MYO10: variants seen among roughly 807,000 people sequenced by gnomAD.
The protein encoded by MYO10 is myosin X.
In MYO10, 133 loss-of-function variants were observed where a neutral mutation model predicts 257.3. The observed-to-expected ratio is 0.52, with a 90% CI of 0.45 to 0.60. The LOEUF is 0.60. Among genes scored for constraint, MYO10 ranks in the 20% least tolerant of loss-of-function variants. MYO10 has a pLI of 0.00. For synonymous variants in MYO10, 1,104 were observed against 1,028.6 expected, an observed-to-expected ratio of 1.07 and a Z score of -1.40; for missense variants, 2,399 against 2,635.7, an observed-to-expected ratio of 0.91 and a Z score of 1.97.
intron 26 of MYO10, 118 bp from the exon 27 acceptor site, chr5:16,694,732 G>T: frequency 7.6e-7 from 1 of 1,317,102 alleles, no homozygotes; most frequent in Non-Finnish European, 1.1e-6. Context: ...CCCAGCCGCA[G>T]CACCGCAGAG....
intron 1 of MYO10, among the ~76,000 whole-genome samples, chr5:16,900,567 AGACGGGG>A (rs1167522222): frequency 1.3e-5 from 2 of 152,062 alleles, no homozygotes; most frequent in Non-Finnish European, 1.5e-5. Context: ...GCTTTTCAAA[AGACGGGG>A]GACCGATCCA....
chr5:16,773,653 C>T (rs1169101235), intron 9 of MYO10, among the ~76,000 whole-genome samples: 2 of 129,956 alleles, frequency 1.5e-5, no homozygotes, highest in South Asian at 2.7e-4. Flanking sequence ...CAGAGTGAGA[C>T]CTTGTCTCAA....
intron 3 of MYO10, among the ~76,000 whole-genome samples, chr5:16,804,021 T>C (rs1273192971): frequency 6.6e-6 from 1 of 152,220 alleles, no homozygotes; most frequent in Non-Finnish European, 1.5e-5. Context: ...AATAAGATAT[T>C]GTCCCTACGG....
At chr5:16,713,415 C>G in intron 19 of MYO10, 1 of 985,862 alleles carries the variant, frequency 1.0e-6, no homozygotes, top group Non-Finnish European at 1.2e-6. Flanking sequence ...CCACACTGAC[C>G]TTTTCCCCAC....
chr5:16,689,490 A>G (rs1452580692), intron 28 of MYO10, among the ~76,000 whole-genome samples: 1 of 151,942 alleles, frequency 6.6e-6, no homozygotes, highest in Admixed American at 6.6e-5. Context: ...CAAAGCTCAG[A>G]AGCTTCCAGA....
At chr5:16,668,669 G>A (rs567998815) in intron 39 of MYO10, among the ~76,000 whole-genome samples, 15 of 152,256 alleles carry the variant, frequency 9.9e-5, no homozygotes, top group African/African-American at 3.4e-4. Flanking sequence ...TTAATCTCAC[G>A]CTTTTGGGAA....
chr5:16,840,440 TGAATGAAA>T (rs1486886484), intron 2 of MYO10, among the ~76,000 whole-genome samples: 28 of 99,232 alleles, frequency 2.8e-4, no homozygotes, highest in Admixed American at 1.7e-3. Flanking sequence ...AATGAATGAA[TGAATGAAA>T]GAAAGAAACA....
intron 17 of MYO10, 107 bp downstream of exon 17, chr5:16,761,357 C>G: frequency 1.1e-6 from 1 of 869,756 alleles, no homozygotes; most frequent in East Asian, 2.5e-5. Context: ...AAAAACAATA[C>G]TAAGTTTCTT....
At chr5:16,916,967 A>G (rs1458051671) in intron 1 of MYO10, among the ~76,000 whole-genome samples, 1 of 152,182 alleles carries the variant, frequency 6.6e-6, no homozygotes, top group East Asian at 1.9e-4. Flanking sequence ...CTTTCATCTC[A>G]GAAATATACA....
At chr5:16,870,998 C>T (rs979210942) in intron 2 of MYO10, among the ~76,000 whole-genome samples, 5 of 152,152 alleles carry the variant, frequency 3.3e-5, no homozygotes, top group African/African-American at 1.2e-4. Context: ...CATGGTATTT[C>T]CTCTGTTGTG....
intron 19 of MYO10, among the ~76,000 whole-genome samples, chr5:16,735,459 A>AT (rs1039628080): frequency 1.3e-4 from 20 of 152,112 alleles, no homozygotes; most frequent in African/African-American, 4.3e-4. Flanking sequence ...AATTCCAGTA[A>AT]TTTGGAAAGC....
At chr5:16,669,037 T>C (rs1475464118) in intron 39 of MYO10, among the ~76,000 whole-genome samples, 1 of 152,084 alleles carries the variant, frequency 6.6e-6, no homozygotes, top group Admixed American at 6.6e-5. Context: ...CTGTAGACTT[T>C]CCTGTACAGA....
chr5:16,873,385 A>T (rs893452607), intron 2 of MYO10, among the ~76,000 whole-genome samples: 1 of 152,142 alleles, frequency 6.6e-6, no homozygotes, highest in Non-Finnish European at 1.5e-5. Context: ...TTTGCAGGGT[A>T]CTGCCTCTCT....
intron 9 of MYO10, among the ~76,000 whole-genome samples, chr5:16,779,117 A>C (rs1162523044): frequency 2.6e-5 from 4 of 152,224 alleles, no homozygotes; most frequent in Non-Finnish European, 4.4e-5. Flanking sequence ...CTGCAACAAC[A>C]GTCACCTGGG....
At position 16,665,709 on chromosome 5, in the gene MYO10, T is replaced by TTTAAC. The variant is rs544439668; in HGVS notation, c.*978_*982dup. ...CTAACCTTCCAAGTAACACTTTGTTTTTAACTTAAATCTTTTAGACATGAA... is the reference window on the plus strand; with the variant it reads ...CTAACCTTCCAAGTAACACTTTGTTTTTAACTTAACTTAAATCTTTTAGACATGAA... On this transcript the variant is annotated 3_prime_UTR_variant, in exon 41 of 41. Transcript: ENST00000513610. 3.7e-3 allele frequency: 569 copies of TTTAAC among 152,750 alleles called. 1 individual carries two copies. The highest frequency in any genetic ancestry group is 5.2e-3 in the Non-Finnish European group (354 of 68,030). 9.5% of individuals were successfully genotyped at this position (152,750 alleles called of 1,614,324 possible). A position where few individuals can be genotyped will look rare whatever the true frequency, so the allele number is the denominator to read the frequency against.
At chr5:16,845,929 A>G (rs1485809596) in intron 2 of MYO10, among the ~76,000 whole-genome samples, 1 of 152,070 alleles carries the variant, frequency 6.6e-6, no homozygotes, top group Non-Finnish European at 1.5e-5. Flanking sequence ...ACACCACTGC[A>G]TTGCAGCCTG....
intron 1 of MYO10, among the ~76,000 whole-genome samples, chr5:16,892,600 G>T (rs892719116): frequency 1.3e-5 from 2 of 152,106 alleles, no homozygotes; most frequent in African/African-American, 2.4e-5. Context: ...CCAAGACTGC[G>T]CCACTGCACT....
At chr5:16,822,649 T>C (rs958620764) in intron 2 of MYO10, among the ~76,000 whole-genome samples, 4 of 151,716 alleles carry the variant, frequency 2.6e-5, no homozygotes, top group African/African-American at 7.3e-5. Context: ...GAACACCTGA[T>C]TTAATTTGGA....
chr5:16,914,158 C>G (rs1161119703), intron 1 of MYO10, among the ~76,000 whole-genome samples: 4 of 152,140 alleles, frequency 2.6e-5, no homozygotes, highest in African/African-American at 9.7e-5. Context: ...TTCAAGGTGG[C>G]ATTTCTTCCT....
Sources: gnomAD v4.1 joint callset for allele counts (sites outside exome capture counted in the v4.1 genomes callset) on GRCh38, gnomAD v4.1.1 for gene constraint, MANE v1.5 for transcripts, NCBI Gene and HGNC (gene_info 2026-07-23, HGNC 2026-07-21) for gene names.